The following ROR2 variants were observed in gnomAD, a reference collection of about 807,000 sequenced individuals.
The protein encoded by ROR2 is tyrosine-protein kinase transmembrane receptor ROR2.
A neutral mutation model predicts 74.9 loss-of-function variants in ROR2; 33 were observed. The ratio of observed to expected loss-of-function variants is 0.44; its 90% CI spans 0.33 to 0.59. ROR2 has a LOEUF of 0.59. ROR2 is among the 20% of genes least tolerant of loss of function. The pLI, the probability that ROR2 is intolerant of heterozygous loss-of-function variation, is 0.02. For missense variants in ROR2, 1,216 were observed against 1,313.8 expected, an observed-to-expected ratio of 0.93 and a Z score of 1.15; for synonymous variants, 586 against 558.7, an observed-to-expected ratio of 1.05 and a Z score of -0.69.
rs555284798 is a variant in ROR2, at chr9:91,946,701, G to GACTA, written c.97+3162_97+3165dup. ...TACACAAATTTCCAGCACTACAACAGACTAGCCAGGTCCTGCAGATTAGGG... is the reference window on the plus strand; with the variant it reads ...TACACAAATTTCCAGCACTACAACAGACTAACTAGCCAGGTCCTGCAGATTAGGG... On this transcript the variant is annotated intron_variant, in intron 1 of 8. Transcript: ENST00000375708. Among the ~76,000 whole-genome samples, 366 of 152,322 alleles carry GACTA rather than the reference G, an allele frequency of 2.4e-3. 1 individual carries two copies. Among genetic ancestry groups the GACTA allele is most frequent in the African/African-American group, 7.5e-3 (311 of 41,570 alleles).
intron 1 of ROR2, among the ~76,000 whole-genome samples, chr9:91,891,945 G>T (rs976492170): frequency 3.3e-5 from 5 of 151,122 alleles, no homozygotes; most frequent in Non-Finnish European, 1.5e-5. Context: ...CTACTTAGGA[G>T]AATGAGGCAG....
In ROR2 at chr9:91,822,297, G is replaced by A. The variant is rs560220511; in HGVS notation, c.98-46479C>T. On this transcript the variant is annotated intron_variant, in intron 1 of 8. Transcript: ENST00000375708. Reference sequence around the variant, plus strand: ...TTGGTGTTTACACACCACCACCAAGGATCAGAGTTCCTTGGAAAAACAGTT... The same window carrying A: ...TTGGTGTTTACACACCACCACCAAGAATCAGAGTTCCTTGGAAAAACAGTT... Among the ~76,000 whole-genome samples, 9 of 152,302 alleles carry A rather than the reference G, an allele frequency of 5.9e-5. No homozygotes were observed. The East Asian group carries it at 1.7e-3, about 29-fold the overall frequency.
intron 1 of ROR2, among the ~76,000 whole-genome samples, chr9:91,895,923 C>A (rs534222879): frequency 6.6e-6 from 1 of 152,212 alleles, no homozygotes; most frequent in African/African-American, 2.4e-5. Flanking sequence ...TTTGGTGATA[C>A]AGGGAAGCCA....
chr9:91,806,795 T>A (rs911504596), intron 1 of ROR2, among the ~76,000 whole-genome samples: 1 of 152,252 alleles, frequency 6.6e-6, no homozygotes, highest in East Asian at 1.9e-4. Context: ...TTCACCGTGT[T>A]AGCCAGGATG....
chr9:91,757,479 C>T lies in ROR2; in HGVS notation c.256G>A (p.Ala86Thr). 1 of 1,613,818 alleles carries T rather than the reference C, an allele frequency of 6.2e-7. No individual in the cohort carries two copies. Among genetic ancestry groups the T allele is most frequent in the Non-Finnish European group, 8.5e-7 (1 of 1,179,994 alleles). Residue 86 changes from alanine (A) to threonine (T), a missense_variant, in exon 3 of 9, where the codon GCA (alanine) becomes ACA (threonine). Physicochemically the swap from Ala to Thr is moderately conservative, Grantham distance 58. Transcript: ENST00000375708. ...GQTAILHCKV[A>T]GNPPPNVRWL... The stretch of plus-strand genomic sequence containing the variant: ...CGCACGTTAGGGGGTGGGTTTCCTG[C>T]CACCTTGCAGTGCAGAATTGCCGTC...
intron 1 of ROR2, among the ~76,000 whole-genome samples, chr9:91,844,093 C>T (rs1292797295): frequency 6.6e-6 from 1 of 152,250 alleles, no homozygotes; most frequent in African/African-American, 2.4e-5. Context: ...CGGAGCTGCA[C>T]ACGTTTCAGC....
chr9:91,810,104 C>A (rs1313980936), intron 1 of ROR2, among the ~76,000 whole-genome samples: 2 of 152,240 alleles, frequency 1.3e-5, no homozygotes. Context: ...GGGCCTCCAG[C>A]CCCCATGTCG....
At chr9:91,762,645 C>G (rs1281728504) in intron 2 of ROR2, among the ~76,000 whole-genome samples, 1 of 152,120 alleles carries the variant, frequency 6.6e-6, no homozygotes, top group Non-Finnish European at 1.5e-5. Flanking sequence ...TATTTTTCTC[C>G]AGAGAACTTG....
In ROR2 at chr9:91,814,093, C is replaced by A. The variant is rs116846073; in HGVS notation, c.98-38275G>T. On this transcript the variant is annotated intron_variant, in intron 1 of 8. Transcript: ENST00000375708. The stretch of plus-strand genomic sequence containing the variant: ...GTCCCAGTTACTTAGGAGGCTAAGG[C>A]AAGAGGATCGCTTGAGGCTGGGAGG... Among the ~76,000 whole-genome samples the A allele has an allele frequency of 4.0e-3, 612 of 152,292 alleles. 3 individuals carry two copies. Among genetic ancestry groups the A allele is most frequent in the Admixed American group, 6.9e-3 (106 of 15,304 alleles).
At chr9:91,867,749 CA>C (rs1479564319) in intron 1 of ROR2, among the ~76,000 whole-genome samples, 16 of 150,212 alleles carry the variant, frequency 1.1e-4, no homozygotes, top group African/African-American at 3.7e-4. Context: ...AGCAGAACAC[CA>C]CCCCCGTCCC....
intron 1 of ROR2, among the ~76,000 whole-genome samples, chr9:91,800,365 A>G (rs981763838): frequency 8.0e-5 from 12 of 150,798 alleles, no homozygotes; most frequent in South Asian, 4.2e-4. Flanking sequence ...AGAGAGAGAG[A>G]GAATAATACC....
chr9:91,865,572 A>G (rs755999386), intron 1 of ROR2, among the ~76,000 whole-genome samples: 6 of 152,250 alleles, frequency 3.9e-5, no homozygotes, highest in Non-Finnish European at 8.8e-5. Context: ...AGCAAGGAAG[A>G]GATACAAATT....
At chr9:91,772,193 A>G (rs1051105253) in intron 2 of ROR2, among the ~76,000 whole-genome samples, 2 of 152,206 alleles carry the variant, frequency 1.3e-5, no homozygotes, top group Non-Finnish European at 2.9e-5. Flanking sequence ...ACAGGACCAG[A>G]TAATTCATGA....
chr9:91,829,556 A>AG, intron 1 of ROR2, among the ~76,000 whole-genome samples: 1 of 148,722 alleles, frequency 6.7e-6, no homozygotes, highest in South Asian at 2.1e-4. Context: ...TCTCAAAAAA[A>AG]AAAAAAAAAA....
chr9:91,740,120 C>T (rs908646717), intron 4 of ROR2, among the ~76,000 whole-genome samples: 11 of 152,102 alleles, frequency 7.2e-5, no homozygotes, highest in Non-Finnish European at 1.5e-4. Flanking sequence ...TCTCCCTGGC[C>T]GCTGGTCAGG....
chr9:91,757,614 G>C (rs1194834744), intron 2 of ROR2, 55 bp from the exon 3 acceptor site: 2 of 1,580,390 alleles, frequency 1.3e-6, no homozygotes, highest in African/African-American at 2.7e-5. Flanking sequence ...TGGAAGGAAG[G>C]GCTACCTGGG....
At chr9:91,726,853 T>C in intron 7 of ROR2, 110 bp from the exon 8 acceptor site, 1 of 994,322 alleles carries the variant, frequency 1.0e-6, no homozygotes, top group Non-Finnish European at 1.6e-6. Flanking sequence ...TGCACGTGTG[T>C]CATCACCTAA....
chr9:91,926,134 C>T (rs903044065), intron 1 of ROR2, among the ~76,000 whole-genome samples: 3 of 151,952 alleles, frequency 2.0e-5, no homozygotes, highest in Non-Finnish European at 4.4e-5. Context: ...GTAATCCCAG[C>T]ACTTTGGGAG....
chr9:91,851,158 C>G (rs1347715623), intron 1 of ROR2, among the ~76,000 whole-genome samples: 1 of 151,868 alleles, frequency 6.6e-6, no homozygotes, highest in African/African-American at 2.4e-5. Context: ...CGAGACCATC[C>G]AGGCTAACAC....
Sources: allele counts gnomAD v4.1 joint callset (sites outside exome capture counted in the v4.1 genomes callset), GRCh38; gene constraint gnomAD v4.1.1; transcripts MANE v1.5; gene names NCBI Gene and HGNC (gene_info 2026-07-23, HGNC 2026-07-21).